PPARGC1A: variants seen among roughly 807,000 people sequenced by gnomAD.
The protein encoded by PPARGC1A is peroxisome proliferator-activated receptor gamma coactivator 1-alpha.
A neutral mutation model predicts 88.7 loss-of-function variants in PPARGC1A; 25 were observed. The observed-to-expected ratio is 0.28, with a 90% CI of 0.21 to 0.39. The LOEUF (loss-of-function observed/expected upper bound fraction) is 0.39. PPARGC1A is among the 10% of genes least tolerant of loss of function. PPARGC1A has a pLI of 1.00. For missense variants in PPARGC1A, 880 were observed against 968.7 expected (o/e 0.91, Z 1.22); for synonymous variants, 363 against 355.6 (o/e 1.02, Z -0.24).
chr4:24,059,531 G>A, the PPARGC1A span, among the ~76,000 whole-genome samples: 5 of 152,120 alleles, frequency 3.3e-5, no homozygotes, highest in African/African-American at 4.8e-5. Flanking sequence ...TCTTATGTGC[G>A]TGAGATAGCC....
chr4:23,884,613 T>C, intron 2 of PPARGC1A, 139 bp downstream of exon 2: 1 of 641,410 alleles, frequency 1.6e-6, no homozygotes, highest in Non-Finnish European at 2.3e-6. Flanking sequence ...TTCCATAAAT[T>C]AGAAAGTATG....
the PPARGC1A span, among the ~76,000 whole-genome samples, chr4:24,437,659 G>C: frequency 1.3e-5 from 2 of 150,832 alleles, no homozygotes; most frequent in Non-Finnish European, 3.0e-5. Context: ...TTTTTTGGGG[G>C]TTTTTTTCTT....
chr4:24,108,017 T>G, the PPARGC1A span, among the ~76,000 whole-genome samples: 1 of 152,182 alleles, frequency 6.6e-6, no homozygotes, highest in Non-Finnish European at 1.5e-5. Context: ...AAGACTGTCC[T>G]CTACTTCAAA....
the PPARGC1A span, among the ~76,000 whole-genome samples, chr4:24,462,253 A>AT: frequency 0.013 from 1,805 of 143,356 alleles, 41 homozygotes; most frequent in African/African-American, 0.041. Context: ...ACCCGGCTAA[A>AT]TTTTTTTTTT....
chr4:23,815,068 G>A (rs1721699537), intron 7 of PPARGC1A, among the ~76,000 whole-genome samples: 1 of 151,492 alleles, frequency 6.6e-6, no homozygotes, highest in African/African-American at 2.4e-5. Context: ...CAGCTCAGGG[G>A]TCTTTGTCCA....
chr4:24,273,556 T>G, the PPARGC1A span, among the ~76,000 whole-genome samples: 28 of 151,936 alleles, frequency 1.8e-4, no homozygotes, highest in Admixed American at 3.3e-4. Context: ...GAAACTACAG[T>G]TTACAGATGA....
At chr4:24,052,735 CCTT>C in the PPARGC1A span, among the ~76,000 whole-genome samples, 1 of 151,496 alleles carries the variant, frequency 6.6e-6, no homozygotes, top group Non-Finnish European at 1.5e-5. Context: ...CACTGATTGT[CCTT>C]CTTTTCTCCC....
intron 10 of PPARGC1A, among the ~76,000 whole-genome samples, chr4:23,804,684 C>T (rs576157568): frequency 2.0e-5 from 3 of 152,288 alleles, no homozygotes; most frequent in East Asian, 1.9e-4. Flanking sequence ...CGCATTCTTT[C>T]TGTGACTCTC....
At chr4:24,148,836 A>C in the PPARGC1A span, among the ~76,000 whole-genome samples, 1 of 152,222 alleles carries the variant, frequency 6.6e-6, no homozygotes, top group African/African-American at 2.4e-5. Context: ...CAGATGAAAA[A>C]TACGTCTTCT....
the PPARGC1A span, among the ~76,000 whole-genome samples, chr4:24,002,701 C>A: frequency 6.6e-6 from 1 of 151,544 alleles, no homozygotes; most frequent in Non-Finnish European, 1.5e-5. Context: ...ATTGACTTGG[C>A]AAGTTCTCCA....
the PPARGC1A span, among the ~76,000 whole-genome samples, chr4:24,099,959 C>G: frequency 2.0e-4 from 19 of 95,846 alleles, no homozygotes; most frequent in Admixed American, 6.6e-4. Flanking sequence ...CATCACACAC[C>G]GGGGGCCTGT....
At chr4:24,127,396 A>G in the PPARGC1A span, among the ~76,000 whole-genome samples, 1 of 151,998 alleles carries the variant, frequency 6.6e-6, no homozygotes, top group Non-Finnish European at 1.5e-5. Flanking sequence ...CCAAATCTGA[A>G]GATTTTTTTA....
chr4:24,193,891 G>A, the PPARGC1A span, among the ~76,000 whole-genome samples: 1 of 152,296 alleles, frequency 6.6e-6, no homozygotes, highest in East Asian at 1.9e-4. Flanking sequence ...CACTTTGGGA[G>A]GCCGAGGTGG....
chr4:23,859,301 C>A (rs1336184998), intron 2 of PPARGC1A, among the ~76,000 whole-genome samples: 1 of 152,154 alleles, frequency 6.6e-6, no homozygotes, highest in African/African-American at 2.4e-5. Context: ...CACAGAGCCA[C>A]TAGCGAGCCA....
the PPARGC1A span, among the ~76,000 whole-genome samples, chr4:23,932,023 G>C: frequency 6.6e-6 from 1 of 152,190 alleles, no homozygotes; most frequent in Non-Finnish European, 1.5e-5. Flanking sequence ...TCAGGCACAT[G>C]GTAGTTATAC....
the PPARGC1A span, among the ~76,000 whole-genome samples, chr4:24,018,832 A>G: frequency 6.6e-6 from 1 of 152,106 alleles, no homozygotes; most frequent in Non-Finnish European, 1.5e-5. Context: ...ACCTCATTTT[A>G]AAGTTTTCTT....
the PPARGC1A span, among the ~76,000 whole-genome samples, chr4:24,129,837 T>C: frequency 6.6e-6 from 1 of 152,158 alleles, no homozygotes; most frequent in East Asian, 1.9e-4. Context: ...TGAGTTCATG[T>C]CCTTTGTGGG....
In PPARGC1A at chr4:23,831,806, A is replaced by C. The variant is rs533411749; in HGVS notation, c.235-55T>G. 3.0e-5 allele frequency: 42 copies of C among 1,416,960 alleles called. No individual in the cohort carries two copies. The South Asian group carries it at 4.7e-4, about 16-fold the overall frequency. The allele number at this position is 1,416,960 out of a possible 1,614,324, so 87.8% of individuals were successfully genotyped here. ...GAGTTGACCCTGGGAGGCAGGTAAC[A>C]CTATGCATCAACATGTTTGACCAAA... On this transcript the variant is annotated intron_variant, in intron 2 of 12. Coordinates refer to ENST00000264867, the MANE Select transcript of PPARGC1A (RefSeq NM_013261.5).
the PPARGC1A span, among the ~76,000 whole-genome samples, chr4:24,265,072 C>T: frequency 6.6e-6 from 1 of 152,008 alleles, no homozygotes; most frequent in South Asian, 2.1e-4. Context: ...ACCACGGAAC[C>T]CTTTGGCATG....
Sources: allele counts gnomAD v4.1 joint callset (sites outside exome capture counted in the v4.1 genomes callset), GRCh38; gene constraint gnomAD v4.1.1; transcripts MANE v1.5; gene names NCBI Gene and HGNC (gene_info 2026-07-23, HGNC 2026-07-21).